Variants in PIGL observed in about 807,000 individuals in gnomAD.
PIGL encodes phosphatidylinositol glycan anchor biosynthesis class L, also known as N-acetylglucosaminyl-phosphatidylinositol de-N-acetylase.
A neutral mutation model predicts 31.1 loss-of-function variants in PIGL; 22 were observed. That is an observed-to-expected ratio of 0.71 (90% confidence interval 0.51 to 1.01). The LOEUF (loss-of-function observed/expected upper bound fraction) is 1.01. Among genes scored for constraint, PIGL ranks in the 50% least tolerant of loss-of-function variants. The probability of loss-of-function intolerance (pLI) is 0.00; values close to 1 mark genes in which losing one functional copy is unlikely to be tolerated. For synonymous variants in PIGL, 131 were observed against 117.4 expected (o/e 1.12, Z -0.75); for missense variants, 302 against 315.9 (o/e 0.96, Z 0.33).
At position 16,296,474 on chromosome 17, in the gene PIGL, G is replaced by A. The variant is rs374397529; in HGVS notation, c.336-3414G>A. Among the ~76,000 whole-genome samples, 126 of 151,904 alleles carry A rather than the reference G, an allele frequency of 8.3e-4. 3 individuals carry two copies. The highest frequency in any genetic ancestry group is 2.9e-3 in the African/African-American group (122 of 41,458). On this transcript the variant is annotated intron_variant, in intron 2 of 6. Coordinates refer to ENST00000225609, the MANE Select transcript of PIGL (RefSeq NM_004278.4). ...AAAATACAAAAATTAGCTGAGCATGGTGGCAGGTGTCTGTAGTCCCAGCTA... is the reference window on the plus strand; with the variant it reads ...AAAATACAAAAATTAGCTGAGCATGATGGCAGGTGTCTGTAGTCCCAGCTA...
chr17:16,245,401 A>G (rs1396926415), intron 2 of PIGL, among the ~76,000 whole-genome samples: 1 of 151,984 alleles, frequency 6.6e-6, no homozygotes, highest in Admixed American at 6.6e-5. Flanking sequence ...TGCTGGGATT[A>G]CAAGCATGAG....
At chr17:16,301,239 C>T (rs1013733703) in intron 3 of PIGL, among the ~76,000 whole-genome samples, 16 of 151,638 alleles carry the variant, frequency 1.1e-4, no homozygotes, top group South Asian at 2.1e-4. Flanking sequence ...ACTATAGGCA[C>T]ATGCCATCAT....
intron 1 of PIGL, 183 bp downstream of exon 1, chr17:16,217,644 G>T: frequency 3.8e-6 from 2 of 520,398 alleles, no homozygotes; most frequent in South Asian, 3.1e-5. Context: ...GTGGGTTGGG[G>T]GACGTCGGCA....
At chr17:16,290,085 TTC>T (rs2092953928) in intron 2 of PIGL, among the ~76,000 whole-genome samples, 1 of 151,540 alleles carries the variant, frequency 6.6e-6, no homozygotes, top group African/African-American at 2.4e-5. Flanking sequence ...CTTCTTTTTT[TTC>T]TCTTTTTTTT....
intron 2 of PIGL, among the ~76,000 whole-genome samples, chr17:16,255,164 TTTTA>T (rs1408198620): frequency 6.6e-6 from 1 of 152,224 alleles, no homozygotes; most frequent in Non-Finnish European, 1.5e-5. Flanking sequence ...ATTGTTTTCG[TTTTA>T]TTTAAAGTTA....
At chr17:16,269,626 G>T (rs975772327) in intron 2 of PIGL, among the ~76,000 whole-genome samples, 2 of 147,986 alleles carry the variant, frequency 1.4e-5, no homozygotes, top group African/African-American at 5.0e-5. Context: ...CTCCAGCCTG[G>T]TAACACAGCG....
intron 1 of PIGL, 160 bp downstream of exon 1, chr17:16,217,621 G>A: frequency 2.9e-5 from 17 of 577,196 alleles, no homozygotes; most frequent in South Asian, 1.0e-4. Flanking sequence ...GACAGGAGCG[G>A]CCGGCTTACC....
At chr17:16,254,023 G>T (rs1037107851) in intron 2 of PIGL, among the ~76,000 whole-genome samples, 2 of 151,576 alleles carry the variant, frequency 1.3e-5, no homozygotes, top group African/African-American at 4.8e-5. Context: ...TTTAAGCTGT[G>T]CCTCAAATAT....
rs11379081 is a variant in PIGL, at chr17:16,319,223, CAAA to C, written c.660+1335_660+1337del. On this transcript the variant is annotated intron_variant, in intron 6 of 6. Transcript: ENST00000225609. ...CTGGGCAACAGAGCCAGACCCTAGCCAAAAAAAAAAAAAAAAAAAAAATCAAAA... is the reference window on the plus strand; with the variant it reads ...CTGGGCAACAGAGCCAGACCCTAGCCAAAAAAAAAAAAAAAAAAATCAAAA... 4.9e-3 allele frequency among the ~76,000 whole-genome samples: 404 copies of C among 82,966 alleles called. 4 individuals carry two copies. Among genetic ancestry groups the C allele is most frequent in the African/African-American group, 0.018 (394 of 22,478 alleles). 54.4% of individuals were successfully genotyped at this position (82,966 alleles called of 152,430 possible).
chr17:16,256,671 T>C (rs923139210), intron 2 of PIGL, among the ~76,000 whole-genome samples: 3 of 143,660 alleles, frequency 2.1e-5, no homozygotes, highest in African/African-American at 8.0e-5. Flanking sequence ...TTTATAGTTG[T>C]TTTTTGTTTG....
chr17:16,286,464 G>A (rs761882490), intron 2 of PIGL, among the ~76,000 whole-genome samples: 1 of 152,150 alleles, frequency 6.6e-6, no homozygotes, highest in African/African-American at 2.4e-5. Context: ...TGACTCTCCC[G>A]ACTAAAATGT....
intron 3 of PIGL, among the ~76,000 whole-genome samples, chr17:16,300,357 A>G (rs747454066): frequency 1.3e-5 from 2 of 152,130 alleles, no homozygotes; most frequent in Non-Finnish European, 2.9e-5. Flanking sequence ...TTTACCAAGC[A>G]TTTTCACAGA....
At chr17:16,240,978 G>A (rs753363152) in intron 2 of PIGL, among the ~76,000 whole-genome samples, 14 of 151,626 alleles carry the variant, frequency 9.2e-5, no homozygotes, top group Non-Finnish European at 1.3e-4. Flanking sequence ...GCCGGGTGTG[G>A]TGGCACATCC....
intron 2 of PIGL, among the ~76,000 whole-genome samples, chr17:16,243,952 G>C (rs1166630517): frequency 6.6e-6 from 1 of 152,202 alleles, no homozygotes; most frequent in Non-Finnish European, 1.5e-5. Context: ...TAATGTGGTG[G>C]GTGGGGCGAA....
chr17:16,244,347 G>A (rs566807808), intron 2 of PIGL, among the ~76,000 whole-genome samples: 1 of 152,326 alleles, frequency 6.6e-6, no homozygotes, highest in Non-Finnish European at 1.5e-5. Context: ...GAATGAACAA[G>A]GACAGCTTGG....
chr17:16,217,711 A>G (rs2092597920), intron 1 of PIGL: 3 of 507,742 alleles, frequency 5.9e-6, no homozygotes, highest in African/African-American at 3.8e-5. Context: ...AGTTGGTTGT[A>G]TTCAGTACCT....
chr17:16,264,599 CATTATTATTATTATTATTATT>C (rs67790275), intron 2 of PIGL, among the ~76,000 whole-genome samples: 84 of 143,804 alleles, frequency 5.8e-4, no homozygotes, highest in Admixed American at 2.2e-3. Flanking sequence ...AACACATCGT[CATTATTATTATTATTATTATT>C]ATTATTATTA....
At chr17:16,240,604 G>C (rs548601793) in intron 2 of PIGL, among the ~76,000 whole-genome samples, 27 of 151,654 alleles carry the variant, frequency 1.8e-4, no homozygotes, top group Non-Finnish European at 1.2e-4. Context: ...GGGTGCAAGG[G>C]ATCCTTCCAC....
In PIGL at chr17:16,280,861, C is replaced by T. The variant is rs888011274; in HGVS notation, c.336-19027C>T. Among the ~76,000 whole-genome samples the T allele has an allele frequency of 7.9e-5, 12 of 152,230 alleles. No individual in the cohort carries two copies. The South Asian group carries it at 8.3e-4, about 11-fold the overall frequency. On this transcript the variant is annotated intron_variant, in intron 2 of 6. Transcript: ENST00000225609. ...CTGGGATTACAGATGCCTGCCACTA[C>T]GCCTGGCTAATTTTTGTAGTTTTAG... is the stretch of plus-strand genomic sequence containing the variant.
Sources: gnomAD v4.1 joint callset for allele counts (sites outside exome capture counted in the v4.1 genomes callset) on GRCh38, gnomAD v4.1.1 for gene constraint, MANE v1.5 for transcripts, NCBI Gene and HGNC (gene_info 2026-07-23, HGNC 2026-07-21) for gene names.